The following MYLK2 variants were observed in gnomAD, a reference collection of about 807,000 sequenced individuals.
MYLK2 encodes myosin light chain kinase 2, skeletal/cardiac muscle.
In MYLK2, 27 loss-of-function variants were observed where a neutral mutation model predicts 58.2. The observed-to-expected ratio is 0.46, with a 90% CI of 0.34 to 0.64. MYLK2 has a LOEUF of 0.64. Ranked by LOEUF, MYLK2 falls within the 30% of genes least tolerant of loss-of-function variation. The probability of loss-of-function intolerance (pLI) is 0.01; values close to 1 mark genes in which losing one functional copy is unlikely to be tolerated. For synonymous variants in MYLK2, 310 were observed against 296.7 expected, an observed-to-expected ratio of 1.04 and a Z score of -0.46; for missense variants, 676 against 764.3, an observed-to-expected ratio of 0.88 and a Z score of 1.36.
chr20:31,832,206 C>A, intron 12 of MYLK2, 70 bp downstream of exon 12: 6 of 1,561,362 alleles, frequency 3.8e-6, no homozygotes, highest in Non-Finnish European at 5.2e-6. Flanking sequence ...AGATCCCAGC[C>A]TCCACCGTCC....
chr20:31,820,239 G>A lies in MYLK2; in HGVS notation c.166G>A (p.Ala56Thr). ...DPPTLKKDAK[A>T]PASEKGDGTL... Reference sequence around the variant, plus strand: ...ACCCACCCTGAAGAAAGATGCCAAAGCCCCTGCCTCAGAGAAAGGGGATGG... The same window carrying A: ...ACCCACCCTGAAGAAAGATGCCAAAACCCCTGCCTCAGAGAAAGGGGATGG... Residue 56 changes from alanine to threonine, a missense_variant, in exon 3 of 13, where the codon GCC (alanine) becomes ACC (threonine). Ala to Thr is a moderately conservative substitution (Grantham distance 58). Around this residue, in one of 2 missense-constraint regions of MYLK2, gnomAD observed 306 missense variants for 296.5 expected, o/e 1.03. Coordinates refer to ENST00000375985, the MANE Select transcript of MYLK2 (RefSeq NM_033118.4). 6.2e-7 allele frequency: 1 copy of A among 1,614,060 alleles called. No individual in the cohort carries two copies. The highest frequency in any genetic ancestry group is 1.3e-5 in the African/African-American group (1 of 75,060).
intron 8 of MYLK2, chr20:31,828,342 G>T (rs764921150): frequency 4.8e-4 from 472 of 985,256 alleles, no homozygotes; most frequent in Non-Finnish European, 5.5e-4. Flanking sequence ...GTTAAGTGGC[G>T]GGACATGGAA....
intron 8 of MYLK2, among the ~76,000 whole-genome samples, chr20:31,827,708 A>G (rs2062287499): frequency 6.6e-6 from 1 of 151,268 alleles, no homozygotes; most frequent in African/African-American, 2.4e-5. Flanking sequence ...TAGTAGAGAC[A>G]GGGTTTCACC....
At chr20:31,827,146 A>G in intron 8 of MYLK2, 1 of 984,748 alleles carries the variant, frequency 1.0e-6, no homozygotes, top group Non-Finnish European at 1.2e-6. Flanking sequence ...GGGGAAAAAA[A>G]AAAGACGTGG....
intron 12 of MYLK2, among the ~76,000 whole-genome samples, chr20:31,832,387 T>C (rs2062311785): frequency 6.6e-6 from 1 of 152,240 alleles, no homozygotes; most frequent in African/African-American, 2.4e-5. Context: ...TTTCAAATAT[T>C]TCTTGAGCAT....
At chr20:31,828,835 G>A (rs1361998199) in intron 8 of MYLK2, among the ~76,000 whole-genome samples, 5 of 152,184 alleles carry the variant, frequency 3.3e-5, no homozygotes, top group Non-Finnish European at 1.5e-5. Context: ...TGAGGAGGTG[G>A]GTTTCAGTGG....
chr20:31,831,251 C>A, intron 10 of MYLK2, 110 bp downstream of exon 10: 2 of 1,495,062 alleles, frequency 1.3e-6, no homozygotes, highest in Non-Finnish European at 9.3e-7. Context: ...CTCCCCTATC[C>A]CTCAGTCAGG....
At chr20:31,819,465 C>T in intron 1 of MYLK2, 37 bp downstream of exon 1, 1 of 1,402,498 alleles carries the variant, frequency 7.1e-7, no homozygotes. Flanking sequence ...CCTCGGCTTC[C>T]TGTCTCACTG....
At chr20:31,826,519 A>AG in intron 6 of MYLK2, 86 bp from the exon 7 acceptor site, 1 of 1,571,210 alleles carries the variant, frequency 6.4e-7, no homozygotes, top group Non-Finnish European at 8.7e-7. Context: ...CAAGGCTAGC[A>AG]GGCCTGTTCA....
intron 6 of MYLK2, among the ~76,000 whole-genome samples, 175 bp from the exon 7 acceptor site, chr20:31,826,430 A>T (rs1171029545): frequency 6.6e-6 from 1 of 150,964 alleles, no homozygotes; most frequent in African/African-American, 2.4e-5. Flanking sequence ...AGCAGGCATG[A>T]CTTGGGAGTG....
intron 12 of MYLK2, among the ~76,000 whole-genome samples, chr20:31,832,364 T>C (rs112103586): frequency 0.012 from 1,898 of 152,320 alleles, 33 homozygotes; most frequent in African/African-American, 0.044. Flanking sequence ...GGCTCTGGCT[T>C]CCCTCCTTCA....
rs773045483 is a variant in MYLK2, at chr20:31,821,755, G to C, written c.772+18G>C. ...GATTTTGGGTAGGCCAGGGGCAGGTGGGGGCTGGGGCTGCCCTGGGGCCAG... is the reference window on the plus strand; with the variant it reads ...GATTTTGGGTAGGCCAGGGGCAGGTCGGGGCTGGGGCTGCCCTGGGGCCAG... On this transcript the variant is annotated intron_variant, in intron 4 of 12. Coordinates refer to ENST00000375985, the MANE Select transcript of MYLK2 (RefSeq NM_033118.4). 1.6e-5 allele frequency: 25 copies of C among 1,575,792 alleles called. No homozygotes were observed. Among genetic ancestry groups the C allele is most frequent in the Non-Finnish European group, 2.2e-5 (25 of 1,159,182 alleles).
chr20:31,826,769 C>G, intron 7 of MYLK2, 28 bp from the exon 8 acceptor site: 1 of 1,613,990 alleles, frequency 6.2e-7, no homozygotes, highest in Non-Finnish European at 8.5e-7. Context: ...AGGCACGGAG[C>G]AAGCCGTGGA....
At chr20:31,830,913 G>A (rs1600413461) in intron 9 of MYLK2, 24 bp downstream of exon 9, 1 of 1,609,436 alleles carries the variant, frequency 6.2e-7, no homozygotes, top group East Asian at 2.2e-5. Flanking sequence ...GGGTGGGGAG[G>A]GCAAGACAAG....
At chr20:31,824,427 C>T in intron 6 of MYLK2, 75 bp downstream of exon 6, 1 of 1,557,022 alleles carries the variant, frequency 6.4e-7, no homozygotes, top group Non-Finnish European at 8.7e-7. Flanking sequence ...TCGCCTCCCT[C>T]CACCAGCGCT....
At chr20:31,832,312 G>A (rs2062311281) in intron 12 of MYLK2, among the ~76,000 whole-genome samples, 176 bp downstream of exon 12, 1 of 152,140 alleles carries the variant, frequency 6.6e-6, no homozygotes, top group African/African-American at 2.4e-5. Flanking sequence ...GTCCTAGAGT[G>A]GAGACCTCTA....
In MYLK2 at chr20:31,831,222, C is replaced by A; in HGVS notation, c.1424+81C>A. The A allele has an allele frequency of 1.9e-6, 3 of 1,601,122 alleles. No individual in the cohort carries two copies. The South Asian group carries it at 3.3e-5, about 18-fold the overall frequency. ...CCGAGGCCAAGATTGGCCCTAGGGTCTTGGTAAGGTGGTCCCACCTCCCCT... is the reference window on the plus strand; with the variant it reads ...CCGAGGCCAAGATTGGCCCTAGGGTATTGGTAAGGTGGTCCCACCTCCCCT... On this transcript the variant is annotated intron_variant, in intron 10 of 12. Coordinates refer to ENST00000375985, the MANE Select transcript of MYLK2 (RefSeq NM_033118.4).
chr20:31,824,436 C>T (rs1444032732), intron 6 of MYLK2, 84 bp downstream of exon 6: 1 of 1,551,900 alleles, frequency 6.4e-7, no homozygotes, highest in African/African-American at 1.4e-5. Flanking sequence ...TCCACCAGCG[C>T]TGCTGAACCT....
At chr20:31,829,274 T>C (rs2062294147) in intron 8 of MYLK2, among the ~76,000 whole-genome samples, 1 of 152,134 alleles carries the variant, frequency 6.6e-6, no homozygotes, top group African/African-American at 2.4e-5. Context: ...AAAAAAAGTG[T>C]TTCACGGTCA....
Sources: allele counts gnomAD v4.1 joint callset (sites outside exome capture counted in the v4.1 genomes callset), GRCh38; gene constraint gnomAD v4.1.1; regional missense constraint gnomAD v4.1.1; transcripts MANE v1.5; gene names NCBI Gene and HGNC (gene_info 2026-07-23, HGNC 2026-07-21).